Variants in SERPINC1 observed in about 807,000 individuals in gnomAD.
SERPINC1 encodes the protein serpin family C member 1.
Under a neutral mutation model 43.4 loss-of-function variants are expected in SERPINC1, and 12 were observed. The observed-to-expected ratio is 0.28, with a 90% confidence interval of 0.18 to 0.45. SERPINC1 has a LOEUF of 0.45. Among genes scored for constraint, SERPINC1 ranks in the 20% least tolerant of loss-of-function variants. SERPINC1 has a pLI of 1.00. For synonymous variants in SERPINC1, 210 were observed against 218.9 expected (o/e 0.96, Z 0.36); for missense variants, 423 against 578.8 (o/e 0.73, Z 2.76).
intron 6 of SERPINC1, among the ~76,000 whole-genome samples, chr1:173,905,467 C>A (rs1006942671): frequency 1.9e-5 from 2 of 102,906 alleles, no homozygotes; most frequent in Non-Finnish European, 3.7e-5. Flanking sequence ...TGCCTGTAAT[C>A]CCAGCACTTT....
intron 4 of SERPINC1, among the ~76,000 whole-genome samples, chr1:173,910,215 C>T (rs189278734): frequency 3.9e-5 from 6 of 152,168 alleles, no homozygotes; most frequent in African/African-American, 4.8e-5. Context: ...AATGCTATTC[C>T]ATGCTAAGAA....
chr1:173,909,639 G>A lies in SERPINC1; in HGVS notation c.1066C>T (p.Arg356Cys), dbSNP rs376752370. The A allele has an allele frequency of 3.2e-5, 51 of 1,613,872 alleles. No homozygotes were observed. The African/African-American group carries it at 4.4e-4, about 14-fold the overall frequency. ...MMLVVHMPRF[R>C]IEDGFSLKEQ... ...TTCAAACTGAAGCCGTCCTCAATGC[G>A]GAAGCGGGGCATGTGGACCACCAGC... The change falls in exon 5 of 7, where the codon CGC becomes TGC. Residue 356 changes from arginine to cysteine, a missense_variant. Physicochemically the swap from Arg to Cys is radical, Grantham distance 180. Coordinates refer to ENST00000367698, the MANE Select transcript of SERPINC1 (RefSeq NM_000488.4).
Position 173,914,807 on chromosome 1 carries a change from T to C in SERPINC1, c.154A>G (p.Met52Val). The C allele has an allele frequency of 5.6e-6, 9 of 1,614,134 alleles. No homozygotes were observed. The highest frequency in any genetic ancestry group is 6.8e-6 in the Non-Finnish European group (8 of 1,179,960). Residue 52 changes from methionine to valine, a missense_variant, in exon 2 of 7, where the codon ATG becomes GTG. Transcript: ENST00000367698. ...TTCTCCGGGGAGCGGTAAATGCACA[T>C]GGGATTCATGGGAATGTCCCGCGGC... is the stretch of plus-strand genomic sequence containing the variant. ...AKPRDIPMNP[M>V]CIYRSPEKKA... is the part of the protein sequence containing the mutation.
chr1:173,913,392 T>G (rs944963735), intron 2 of SERPINC1, among the ~76,000 whole-genome samples: 8 of 152,144 alleles, frequency 5.3e-5, no homozygotes, highest in African/African-American at 1.9e-4. Flanking sequence ...ACTAAGTCAC[T>G]GAGCTGAAAT....
chr1:173,904,660 A>T (rs1040893212), intron 6 of SERPINC1, among the ~76,000 whole-genome samples: 1 of 152,162 alleles, frequency 6.6e-6, no homozygotes, highest in Non-Finnish European at 1.5e-5. Flanking sequence ...AATATCACTA[A>T]AACTCTGTTT....
chr1:173,904,876 G>T (rs1352173515), intron 6 of SERPINC1, among the ~76,000 whole-genome samples: 1 of 152,150 alleles, frequency 6.6e-6, no homozygotes, highest in African/African-American at 2.4e-5. Flanking sequence ...GCATGACCAG[G>T]ATCCTTTTAT....
chr1:173,907,389 T>C (rs1383198459), intron 6 of SERPINC1, 61 bp downstream of exon 6: 1 of 1,325,022 alleles, frequency 7.5e-7, no homozygotes, highest in African/African-American at 1.4e-5. Context: ...CTTTTCCACG[T>C]GTTCCTGCTG....
rs907768931 is a variant in SERPINC1 at position 173,914,677 on chromosome 1, T to C, written c.284A>G (p.Tyr95Cys). 6.2e-7 allele frequency: 1 copy of C among 1,614,084 alleles called. No homozygotes were observed. Among genetic ancestry groups the C allele is most frequent in the African/African-American group, 1.3e-5 (1 of 74,942 alleles). ...ATTCTTGGAATCTGCCAGGTGCTGA[T>C]AGAAAGTGGTAGCAAAGCGGGAATT... ...KANSRFATTF[Y>C]QHLADSKNDN... Residue 95 changes from tyrosine to cysteine, a missense_variant, in exon 2 of 7, where the codon TAT (tyrosine) becomes TGT (cysteine). Transcript: ENST00000367698.
chr1:173,909,995 T>G (rs1254205302), intron 4 of SERPINC1, 53 bp from the exon 5 acceptor site: 1 of 1,561,122 alleles, frequency 6.4e-7, no homozygotes, highest in African/African-American at 1.4e-5. Flanking sequence ...GGATAGTTAT[T>G]GACACAAGAC....
intron 4 of SERPINC1, among the ~76,000 whole-genome samples, chr1:173,910,304 C>T (rs1436255243): frequency 2.6e-5 from 4 of 152,096 alleles, no homozygotes; most frequent in Admixed American, 1.3e-4. Flanking sequence ...ATCTGCCGGG[C>T]GCGGTGGCTC....
chr1:173,912,406 T>C (rs1657806644), intron 2 of SERPINC1, among the ~76,000 whole-genome samples: 1 of 152,148 alleles, frequency 6.6e-6, no homozygotes, highest in Non-Finnish European at 1.5e-5. Flanking sequence ...TCATGGAGGC[T>C]CTGGGATACT....
intron 5 of SERPINC1, 48 bp downstream of exon 5, chr1:173,909,504 A>G (rs747977353): frequency 1.9e-5 from 31 of 1,604,364 alleles, no homozygotes; most frequent in Non-Finnish European, 2.6e-5. Context: ...ACTTTTGGTC[A>G]GACTACCTTG....
chr1:173,910,029 T>A (rs1657701603), intron 4 of SERPINC1, 87 bp from the exon 5 acceptor site: 20 of 1,313,286 alleles, frequency 1.5e-5, no homozygotes, highest in Non-Finnish European at 2.2e-5. Flanking sequence ...AGTGTTACAT[T>A]AATATATAAT....
Position 173,909,610 on chromosome 1 carries a change from C to A in SERPINC1, c.1095G>T (p.Glu365Asp). ...FRIEDGFSLK[E>D]QLQDMGLVDL... Reference sequence around the variant, plus strand: ...CGACAAGGCCCATGTCTTGCAGCTGCTCCTTCAAACTGAAGCCGTCCTCAA... The same window carrying A: ...CGACAAGGCCCATGTCTTGCAGCTGATCCTTCAAACTGAAGCCGTCCTCAA... The change falls in exon 5 of 7, where the codon GAG becomes GAT. Residue 365 changes from glutamate to aspartate, a missense_variant. By Grantham distance (45) the Glu-to-Asp change is conservative (BLOSUM62 2). Transcript: ENST00000367698. 2 of 1,614,068 alleles carry A rather than the reference C, an allele frequency of 1.2e-6. No homozygotes were observed. Among genetic ancestry groups the A allele is most frequent in the Non-Finnish European group, 1.7e-6 (2 of 1,180,002 alleles).
Position 173,903,837 on chromosome 1 carries a change from T to C in SERPINC1, c.*52A>G. On this transcript the variant is annotated 3_prime_UTR_variant, in exon 7 of 7. Coordinates refer to ENST00000367698, the MANE Select transcript of SERPINC1 (RefSeq NM_000488.4). ...GATGGAAGTAGTTTGTATTTATTTT[T>C]ACTTCTGTTCACAAACCAAAAATAG... The C allele has an allele frequency of 6.8e-7, 1 of 1,481,290 alleles. No individual in the cohort carries two copies. The highest frequency in any genetic ancestry group is 1.1e-5 in the South Asian group (1 of 87,908). The allele number at this position is 1,481,290 out of a possible 1,614,324, so 91.8% of individuals were successfully genotyped here.
intron 5 of SERPINC1, among the ~76,000 whole-genome samples, chr1:173,908,124 GA>G (rs1657607410): frequency 6.6e-6 from 1 of 151,872 alleles, no homozygotes; most frequent in African/African-American, 2.4e-5. Flanking sequence ...TGTTCTTACA[GA>G]AAAAACTCAC....
rs78050800 is a variant in SERPINC1 at position 173,905,930 on chromosome 1, T to C, written c.1218+1520A>G. On this transcript the variant is annotated intron_variant, in intron 6 of 6. Transcript: ENST00000367698. ...TATAACCTTGTGTTCTTTCAAGCTA[T>C]CACATTTCCTCGCTCCCGTTAAAAT... Among the ~76,000 whole-genome samples, 1,369 of 152,336 alleles carry C rather than the reference T, an allele frequency of 9.0e-3. 17 individuals carry two copies. The highest frequency in any genetic ancestry group is 0.032 in the African/African-American group (1,315 of 41,568).
rs1657743592 is a variant in SERPINC1 at position 173,910,844 on chromosome 1, A to G, written c.672T>C (p.Asn224=). ...CATCGGTGATTCGGCCTTCGGTCTT[A>G]TTGGACACCCATTTGTTGATGGCCG... ...SRAAINKWVS[N]KTEGRITDVI... Residue 224 remains asparagine, a synonymous_variant, in exon 4 of 7, where the codon AAT becomes AAC. Transcript: ENST00000367698. 1.2e-6 allele frequency: 2 copies of G among 1,614,004 alleles called. No homozygotes were observed. The highest frequency in any genetic ancestry group is 1.3e-5 in the African/African-American group (1 of 74,912).
chr1:173,917,307 G>A lies in SERPINC1; in HGVS notation c.-48C>T, dbSNP rs1040206481. On this transcript the variant is annotated 5_prime_UTR_variant, in exon 1 of 7. Coordinates refer to ENST00000367698, the MANE Select transcript of SERPINC1 (RefSeq NM_000488.4). Reference sequence around the variant, plus strand: ...TGGGCAAGTGGAGATAGTGTGATCTGAGGCAATCCGCCTGAAAACTGGTTC... The same window carrying A: ...TGGGCAAGTGGAGATAGTGTGATCTAAGGCAATCCGCCTGAAAACTGGTTC... 6.3e-7 allele frequency: 1 copy of A among 1,576,066 alleles called. No individual in the cohort carries two copies. The highest frequency in any genetic ancestry group is 8.7e-7 in the Non-Finnish European group (1 of 1,145,814).
Sources: allele counts gnomAD v4.1 joint callset (sites outside exome capture counted in the v4.1 genomes callset), GRCh38; gene constraint gnomAD v4.1.1; transcripts MANE v1.5; gene names NCBI Gene and HGNC (gene_info 2026-07-23, HGNC 2026-07-21).